The following CDKL5 variants were observed in gnomAD, a reference collection of about 807,000 sequenced individuals.
The protein encoded by CDKL5 is cyclin dependent kinase like 5.
Under a neutral mutation model 61.7 loss-of-function variants are expected in CDKL5, and 8 were observed. That is an observed-to-expected ratio of 0.13 (90% CI 0.08 to 0.23). CDKL5 has a LOEUF of 0.23. Ranked by LOEUF, CDKL5 falls within the 10% of genes least tolerant of loss-of-function variation. The probability of loss-of-function intolerance (pLI) is 1.00; values close to 1 mark genes in which losing one functional copy is unlikely to be tolerated. For synonymous variants in CDKL5, 275 were observed against 272.3 expected (o/e 1.01, Z -0.10); for missense variants, 440 against 734.5 (o/e 0.60, Z 4.63).
At chrX:18,467,869 C>T (rs1391055459) in intron 1 of CDKL5, among the ~76,000 whole-genome samples, 1 of 109,829 alleles carries the variant, frequency 9.1e-6, no homozygotes, top group African/African-American at 3.3e-5. Context: ...TATCCCCCAC[C>T]TTTTTTTTTG....
At position 18,537,104 on chromosome X, in the gene CDKL5, G is replaced by A. The variant is rs774983792; in HGVS notation, c.99+26250G>A. On this transcript the variant is annotated intron_variant, in intron 3 of 17. Coordinates refer to ENST00000623535, the MANE Select transcript of CDKL5 (RefSeq NM_001323289.2). ...CTTAAACATTAAACCTGCCCATCCA[G>A]CATCTTGCTGTGACAGTTTAAACAG... is the stretch of plus-strand genomic sequence containing the variant. 1.1e-4 allele frequency among the ~76,000 whole-genome samples: 12 copies of A among 109,695 alleles called. No homozygotes were observed. In the Admixed American group the frequency reaches 1.2e-3, roughly 11 times the overall value.
chrX:18,473,159 A>G (rs373182663), intron 1 of CDKL5, among the ~76,000 whole-genome samples: 3 of 109,188 alleles, frequency 2.7e-5, no homozygotes, highest in South Asian at 4.0e-4. Context: ...GGGTTTCACA[A>G]TGTTGGACAG....
At chrX:18,475,392 A>G (rs1351684336) in intron 1 of CDKL5, among the ~76,000 whole-genome samples, 1 of 110,693 alleles carries the variant, frequency 9.0e-6, no homozygotes, top group African/African-American at 3.3e-5. Flanking sequence ...CCTTTTGGGC[A>G]CAAGCGATCC....
intron 16 of CDKL5, chrX:18,624,050 G>C: frequency 1.5e-6 from 1 of 668,527 alleles, no homozygotes; most frequent in Non-Finnish European, 1.8e-6. Flanking sequence ...CAGTAAACTT[G>C]TTTTACTGAT....
chrX:18,610,575 T>A (rs950332388), intron 14 of CDKL5, among the ~76,000 whole-genome samples: 5 of 112,878 alleles, frequency 4.4e-5, no homozygotes, highest in African/African-American at 1.6e-4. Context: ...TTCATAAATA[T>A]TTGTCAATTG....
intron 21 of CDKL5, chrX:18,653,285 G>A: frequency 9.1e-7 from 1 of 1,097,115 alleles, no homozygotes; most frequent in South Asian, 2.1e-5. Context: ...AGAGCTTTTA[G>A]TATTTTTAAT....
At position 18,649,044 on chromosome X, in the gene CDKL5, A is replaced by G. The variant is rs1041759591; in HGVS notation, c.2798-1366A>G. 4.7e-5 allele frequency among the ~76,000 whole-genome samples: 5 copies of G among 107,057 alleles called. No individual in the cohort carries two copies. The South Asian group carries it at 2.0e-3, about 43-fold the overall frequency. The allele number at this position is 107,057 out of a possible 115,157, so 93.0% of individuals were successfully genotyped here. On this transcript the variant is annotated intron_variant, in intron 20 of 21. Transcript: ENST00000379989. The stretch of plus-strand genomic sequence containing the variant: ...GCCTGGGTGATAGACACTGTCTCAA[A>G]AAAAAAAAAAAAAAAGAAAACTACA...
In CDKL5 at chrX:18,630,302, C is replaced by A. The variant is rs1417736391; in HGVS notation, c.*1545C>A. On this transcript the variant is annotated 3_prime_UTR_variant, in exon 18 of 18. Coordinates refer to ENST00000623535, the MANE Select transcript of CDKL5 (RefSeq NM_001323289.2). ...CTTTGGCCATCAAGTGTTATCCTCC[C>A]ATGCCTCTGGGTCATCCTTGAGGGA... The A allele has an allele frequency of 9.3e-6, 7 of 751,325 alleles. No individual in the cohort carries two copies. The highest frequency in any genetic ancestry group is 1.8e-4 in the Admixed American group (2 of 11,285). The allele number at this position is 751,325 out of a possible 1,213,427, so 61.9% of individuals were successfully genotyped here. A position where few individuals can be genotyped will look rare whatever the true frequency, so the allele number is the denominator to read the frequency against.
At chrX:18,539,994 AGAT>A (rs1365642971) in intron 3 of CDKL5, among the ~76,000 whole-genome samples, 1 of 112,312 alleles carries the variant, frequency 8.9e-6, no homozygotes, top group Non-Finnish European at 1.9e-5. Flanking sequence ...GCACCACATC[AGAT>A]GATGTTATAA....
At chrX:18,457,610 TTTTG>T (rs902196362) in intron 1 of CDKL5, 14 of 111,172 alleles carry the variant, frequency 1.3e-4, no homozygotes, top group Admixed American at 3.9e-4. Context: ...TTTAATGTTT[TTTTG>T]TTTGTTTGTT....
chrX:18,525,379 G>A (rs1464948892), intron 3 of CDKL5, among the ~76,000 whole-genome samples: 3 of 111,869 alleles, frequency 2.7e-5, no homozygotes, highest in Non-Finnish European at 3.8e-5. Context: ...GACTACAGGC[G>A]TGAGCCACCG....
In CDKL5 at chrX:18,540,440, G is replaced by A. The variant is rs773847636; in HGVS notation, c.100-24037G>A. Among the ~76,000 whole-genome samples, 23 of 111,924 alleles carry A rather than the reference G, an allele frequency of 2.1e-4. No individual in the cohort carries two copies. The South Asian group carries it at 7.8e-3, about 38-fold the overall frequency. The stretch of plus-strand genomic sequence containing the variant: ...AGTCCACCTGCATTGGCCTCCCAAA[G>A]TGCTGGGATTACAGGAGTGAACCAC... On this transcript the variant is annotated intron_variant, in intron 3 of 17. Coordinates refer to ENST00000623535, the MANE Select transcript of CDKL5 (RefSeq NM_001323289.2).
chrX:18,505,707 A>G (rs138488621), intron 1 of CDKL5, among the ~76,000 whole-genome samples: 2,542 of 112,289 alleles, frequency 0.023, 45 homozygotes, highest in Non-Finnish European at 0.035. Flanking sequence ...GGGGGCATAT[A>G]ATGTTGGTTT....
chrX:18,608,261 A>G (rs1223906448), intron 12 of CDKL5, among the ~76,000 whole-genome samples: 1 of 112,195 alleles, frequency 8.9e-6, no homozygotes, highest in Non-Finnish European at 1.9e-5. Flanking sequence ...GAAGATTAAG[A>G]CAAGAATTTA....
chrX:18,504,617 C>T (rs1922504339), intron 1 of CDKL5, among the ~76,000 whole-genome samples: 1 of 111,949 alleles, frequency 8.9e-6, no homozygotes, highest in African/African-American at 3.2e-5. Context: ...ACCCACATCA[C>T]ATGGGGTATT....
At chrX:18,598,731 A>G in intron 11 of CDKL5, 118 bp downstream of exon 11, 1 of 700,342 alleles carries the variant, frequency 1.4e-6, no homozygotes, top group Non-Finnish European at 2.3e-6. Flanking sequence ...TTATTCAAAA[A>G]TATCTTCCTT....
chrX:18,593,980 C>CAA (rs1482093320), intron 9 of CDKL5, among the ~76,000 whole-genome samples: 1 of 112,308 alleles, frequency 8.9e-6, no homozygotes, highest in African/African-American at 3.2e-5. Context: ...CACAGTTTAA[C>CAA]ATTGATTGCT....
intron 3 of CDKL5, among the ~76,000 whole-genome samples, chrX:18,560,639 T>G (rs1924769736): frequency 9.0e-6 from 1 of 111,573 alleles, no homozygotes; most frequent in Non-Finnish European, 1.9e-5. Context: ...ACTAAGCAAT[T>G]ATGAAAGATC....
chrX:18,591,434 C>G (rs191711398), intron 9 of CDKL5, among the ~76,000 whole-genome samples: 289 of 111,340 alleles, frequency 2.6e-3, no homozygotes, highest in African/African-American at 9.1e-3. Context: ...CTCTCCATCT[C>G]TCATGCTTCT....
Sources: gnomAD v4.1 joint callset for allele counts (sites outside exome capture counted in the v4.1 genomes callset) on GRCh38, gnomAD v4.1.1 for gene constraint, MANE v1.5 for transcripts, NCBI Gene and HGNC (gene_info 2026-07-23, HGNC 2026-07-21) for gene names.